DPY19L4: variants seen among roughly 807,000 people sequenced by gnomAD.
DPY19L4 encodes probable C-mannosyltransferase DPY19L4.
DPY19L4 carries 97 observed loss-of-function variants against 102.8 expected under a neutral mutation model. That is an observed-to-expected ratio of 0.94 (90% confidence interval 0.80 to 1.12). The LOEUF is 1.12. Among genes scored for constraint, DPY19L4 ranks in the 50% most tolerant of loss-of-function variants. The probability of loss-of-function intolerance (pLI) is 0.00; values close to 1 mark genes in which losing one functional copy is unlikely to be tolerated. For missense variants in DPY19L4, 815 were observed against 850.4 expected (o/e 0.96, Z 0.52); for synonymous variants, 252 against 283.1 (o/e 0.89, Z 1.10).
chr8:94,761,940 C>T (rs1586378321), intron 8 of DPY19L4, 106 bp downstream of exon 8: 5 of 1,122,666 alleles, frequency 4.5e-6, no homozygotes, highest in South Asian at 2.6e-5. Flanking sequence ...ATGGGAACCC[C>T]GATGCATACA....
At chr8:94,723,381 G>A (rs1461488128) in intron 1 of DPY19L4, among the ~76,000 whole-genome samples, 2 of 152,010 alleles carry the variant, frequency 1.3e-5, no homozygotes, top group East Asian at 3.9e-4. Context: ...GCTGAGGTAG[G>A]AGAATTGCTT....
At chr8:94,788,764 G>C (rs1157428299) in intron 18 of DPY19L4, among the ~76,000 whole-genome samples, 11 of 152,170 alleles carry the variant, frequency 7.2e-5, no homozygotes, top group Admixed American at 5.9e-4. Context: ...GGGAGTGAGG[G>C]ATCATAAGAA....
chr8:94,746,468 A>G (rs1023153835), intron 6 of DPY19L4, among the ~76,000 whole-genome samples: 1 of 152,256 alleles, frequency 6.6e-6, no homozygotes, highest in Non-Finnish European at 1.5e-5. Flanking sequence ...GTTGTAATAC[A>G]TTAGTACAAG....
rs757486689 is a variant in DPY19L4 at position 94,768,439 on chromosome 8, C to G, written c.1220C>G (p.Ala407Gly). 2 of 1,609,652 alleles carry G rather than the reference C, an allele frequency of 1.2e-6. No homozygotes were observed. The highest frequency in any genetic ancestry group is 1.7e-6 in the Non-Finnish European group (2 of 1,178,686). Residue 407 changes from alanine (A) to glycine (G), a missense_variant, in exon 12 of 19, where the codon GCA (alanine) becomes GGA (glycine). Physicochemically the swap from Ala to Gly is moderately conservative, Grantham distance 60. Coordinates refer to ENST00000414645, the MANE Select transcript of DPY19L4 (RefSeq NM_181787.3). ...CTCCTCTGTCAAGAATCCCTGCAGG[C>G]ACCATCTCAAGATTTTTTTCTGCGA... is the stretch of plus-strand genomic sequence containing the variant. The part of the protein sequence containing the change: ...NWLLCQESLQ[A>G]PSQDFFLRLT...
At chr8:94,742,621 C>T (rs528158093) in intron 6 of DPY19L4, among the ~76,000 whole-genome samples, 14 of 149,390 alleles carry the variant, frequency 9.4e-5, no homozygotes, top group East Asian at 8.2e-4. Context: ...TGCAGTGGCG[C>T]GATCTTGGCT....
chr8:94,728,612 A>G (rs1294670016), intron 2 of DPY19L4, among the ~76,000 whole-genome samples: 2 of 152,234 alleles, frequency 1.3e-5, no homozygotes, highest in Non-Finnish European at 2.9e-5. Context: ...CAAGAAAACT[A>G]TATTTGGGAG....
intron 14 of DPY19L4, among the ~76,000 whole-genome samples, chr8:94,779,230 A>AC (rs1320049414): frequency 7.3e-5 from 11 of 151,378 alleles, no homozygotes; most frequent in South Asian, 2.1e-4. Context: ...AAAAAAAAAA[A>AC]ACCAAGGCTT....
intron 7 of DPY19L4, among the ~76,000 whole-genome samples, chr8:94,756,969 G>A (rs943062357): frequency 6.6e-6 from 1 of 152,214 alleles, no homozygotes; most frequent in East Asian, 1.9e-4. Context: ...AGGTTGTAGT[G>A]AGCTGAGATC....
intron 7 of DPY19L4, among the ~76,000 whole-genome samples, chr8:94,757,647 T>G (rs1315206329): frequency 6.6e-6 from 1 of 150,738 alleles, no homozygotes; most frequent in Admixed American, 6.6e-5. Context: ...TGAACTCAAA[T>G]GATCCACCCG....
Position 94,788,037 on chromosome 8 carries a change from C to A in DPY19L4, c.1992C>A (p.Asp664Glu). The change falls in exon 18 of 19, where the codon GAC becomes GAA. Residue 664 changes from aspartate to glutamate, a missense_variant. Physicochemically the swap from Asp to Glu is conservative, Grantham distance 45 (BLOSUM62 2). Coordinates refer to ENST00000414645, the MANE Select transcript of DPY19L4 (RefSeq NM_181787.3). Reference protein sequence around the residue: ...MRGCRVKDLLDIANGHMVCEE... With the variant: ...MRGCRVKDLLEIANGHMVCEE... ...GCTGTAGGGTTAAAGATTTATTAGACATTGCAAATGGCCACGTAAGTAACC... is the reference window on the plus strand; with the variant it reads ...GCTGTAGGGTTAAAGATTTATTAGAAATTGCAAATGGCCACGTAAGTAACC... 6.8e-7 allele frequency: 1 copy of A among 1,463,344 alleles called. No homozygotes were observed. The highest frequency in any genetic ancestry group is 1.5e-5 in the South Asian group (1 of 65,742). 90.6% of individuals were successfully genotyped at this position (1,463,344 alleles called of 1,614,324 possible).
intron 1 of DPY19L4, among the ~76,000 whole-genome samples, chr8:94,721,320 A>G (rs1054663145): frequency 6.6e-6 from 1 of 152,362 alleles, no homozygotes; most frequent in African/African-American, 2.4e-5. Context: ...TTAAAAATTA[A>G]GCATAAGAAG....
At chr8:94,774,740 G>A (rs1813095003) in intron 13 of DPY19L4, among the ~76,000 whole-genome samples, 1 of 151,926 alleles carries the variant, frequency 6.6e-6, no homozygotes, top group African/African-American at 2.4e-5. Context: ...ACCATGCCCA[G>A]CTAATTTTGT....
chr8:94,742,847 C>T (rs533007962), intron 6 of DPY19L4, among the ~76,000 whole-genome samples: 26 of 151,276 alleles, frequency 1.7e-4, no homozygotes, highest in East Asian at 1.6e-3. Flanking sequence ...TGTGAGCCAC[C>T]GCGCCCGGCC....
chr8:94,741,129 T>C (rs977106821), intron 6 of DPY19L4, among the ~76,000 whole-genome samples: 1 of 152,200 alleles, frequency 6.6e-6, no homozygotes, highest in Admixed American at 6.5e-5. Context: ...TGGTAGATTA[T>C]ATATTTTTCA....
At chr8:94,743,118 C>T (rs1414304389) in intron 6 of DPY19L4, among the ~76,000 whole-genome samples, 1 of 152,054 alleles carries the variant, frequency 6.6e-6, no homozygotes, top group East Asian at 1.9e-4. Context: ...ACCTCTGCCT[C>T]CCGCATTCAA....
intron 6 of DPY19L4, among the ~76,000 whole-genome samples, chr8:94,750,973 G>C (rs34152155): frequency 6.6e-6 from 1 of 151,512 alleles, no homozygotes; most frequent in Non-Finnish European, 1.5e-5. Context: ...TAGAGACTGG[G>C]TTTCACCATG....
intron 7 of DPY19L4, among the ~76,000 whole-genome samples, chr8:94,758,653 G>A (rs1215521339): frequency 2.6e-5 from 4 of 152,016 alleles, no homozygotes; most frequent in African/African-American, 9.7e-5. Context: ...TTTTCACTCA[G>A]CCTAATAATG....
chr8:94,727,106 G>A (rs1810723460), intron 2 of DPY19L4, among the ~76,000 whole-genome samples: 1 of 152,144 alleles, frequency 6.6e-6, no homozygotes, highest in Admixed American at 6.6e-5. Context: ...AGAGATCTAT[G>A]AACTAAAAAG....
chr8:94,733,053 A>G (rs564552902), intron 2 of DPY19L4, among the ~76,000 whole-genome samples: 1 of 149,742 alleles, frequency 6.7e-6, no homozygotes, highest in East Asian at 2.0e-4. Flanking sequence ...AGCTCAAGCA[A>G]TCTGCCTGCC....
Sources: gnomAD v4.1 joint callset for allele counts (sites outside exome capture counted in the v4.1 genomes callset) on GRCh38, gnomAD v4.1.1 for gene constraint, MANE v1.5 for transcripts, NCBI Gene and HGNC (gene_info 2026-07-23, HGNC 2026-07-21) for gene names.